Variants in PCDH9 observed in about 807,000 individuals in gnomAD.
The protein encoded by PCDH9 is protocadherin 9, also known as protocadherin-9.
A neutral mutation model predicts 70.6 loss-of-function variants in PCDH9; 24 were observed. That is an observed-to-expected ratio of 0.34 (90% confidence interval 0.25 to 0.48). The LOEUF (loss-of-function observed/expected upper bound fraction) is 0.48, where lower values mean the gene tolerates loss of function less well. Among genes scored for constraint, PCDH9 ranks in the 20% least tolerant of loss-of-function variants. The pLI is 0.99. For missense variants in PCDH9, 1,281 were observed against 1,503.6 expected (o/e 0.85, Z 2.45); for synonymous variants, 562 against 558.5 (o/e 1.01, Z -0.09).
chr13:66,338,181 T>C (rs1451527174), intron 4 of PCDH9, among the ~76,000 whole-genome samples: 1 of 152,112 alleles, frequency 6.6e-6, no homozygotes, highest in Non-Finnish European at 1.5e-5. Context: ...TAGCACACAG[T>C]AGTACACAGA....
chr13:66,828,562 C>T (rs2080864771), intron 3 of PCDH9, among the ~76,000 whole-genome samples: 1 of 152,046 alleles, frequency 6.6e-6, no homozygotes, highest in Non-Finnish European at 1.5e-5. Flanking sequence ...CCTGGAAAAG[C>T]ACTGTTTTTT....
At chr13:66,334,452 G>GT (rs1311127846) in intron 4 of PCDH9, among the ~76,000 whole-genome samples, 1 of 152,056 alleles carries the variant, frequency 6.6e-6, no homozygotes, top group Non-Finnish European at 1.5e-5. Context: ...TCAGGTTGAA[G>GT]TTTTTTAAGA....
At chr13:66,551,902 A>T (rs1363476584) in intron 4 of PCDH9, among the ~76,000 whole-genome samples, 1 of 152,196 alleles carries the variant, frequency 6.6e-6, no homozygotes, top group Non-Finnish European at 1.5e-5. Flanking sequence ...TGTATTTCAT[A>T]TGAAGATTTT....
chr13:66,304,396 A>G lies in PCDH9; in HGVS notation c.*259T>C, dbSNP rs1489315633. 2.6e-6 allele frequency: 1 copy of G among 387,940 alleles called. No individual in the cohort carries two copies. The highest frequency in any genetic ancestry group is 4.6e-6 in the Non-Finnish European group (1 of 215,404). 24.0% of individuals were successfully genotyped at this position (387,940 alleles called of 1,614,324 possible). The stretch of plus-strand genomic sequence containing the variant: ...TAGCAGCAGTCCAGGGTCAAAATAA[A>G]ATGCAATAATAAAAAAAATTTGCAC... On this transcript the variant is annotated 3_prime_UTR_variant, in exon 5 of 5. Coordinates refer to ENST00000377865, the MANE Select transcript of PCDH9 (RefSeq NM_203487.3).
intron 3 of PCDH9, among the ~76,000 whole-genome samples, chr13:66,756,830 T>G (rs2139238816): frequency 6.6e-6 from 1 of 152,234 alleles, no homozygotes; most frequent in East Asian, 1.9e-4. Flanking sequence ...GTGATTGATT[T>G]ATTTTATTAT....
At chr13:66,951,095 C>G (rs1594302745) in intron 2 of PCDH9, among the ~76,000 whole-genome samples, 1 of 152,216 alleles carries the variant, frequency 6.6e-6, no homozygotes, top group African/African-American at 2.4e-5. Flanking sequence ...ACCTCACTTA[C>G]TCTGCAAAGC....
chr13:66,472,404 T>C (rs1958638639), intron 4 of PCDH9, among the ~76,000 whole-genome samples: 1 of 151,666 alleles, frequency 6.6e-6, no homozygotes, highest in African/African-American at 2.4e-5. Context: ...ACCTCATCTC[T>C]ACAAAAAATT....
intron 3 of PCDH9, among the ~76,000 whole-genome samples, chr13:66,677,163 A>G (rs893774820): frequency 1.3e-5 from 2 of 152,104 alleles, no homozygotes; most frequent in African/African-American, 4.8e-5. Context: ...AACCATAAAC[A>G]CAAATGCCCA....
intron 2 of PCDH9, among the ~76,000 whole-genome samples, chr13:67,024,468 T>G (rs1290131366): frequency 6.6e-6 from 1 of 152,142 alleles, no homozygotes; most frequent in Non-Finnish European, 1.5e-5. Context: ...TTAAAAATAA[T>G]GTATATAAAC....
At position 66,303,154 on chromosome 13, in the gene PCDH9, G is replaced by A. The variant is rs536880945; in HGVS notation, c.*1501C>T. On this transcript the variant is annotated 3_prime_UTR_variant, in exon 5 of 5. Transcript: ENST00000377865. ...TTTACTTTTAAATTGATGGTGAACCGTGGCATTAAGATAACTTCCACTTCT... is the reference window on the plus strand; with the variant it reads ...TTTACTTTTAAATTGATGGTGAACCATGGCATTAAGATAACTTCCACTTCT... The A allele has an allele frequency of 6.6e-5, 10 of 150,380 alleles. No individual in the cohort carries two copies. The highest frequency in any genetic ancestry group is 2.2e-4 in the African/African-American group (9 of 40,738). 9.3% of individuals were successfully genotyped at this position (150,380 alleles called of 1,614,324 possible).
intron 2 of PCDH9, among the ~76,000 whole-genome samples, chr13:67,154,575 CAAAAA>C (rs753995213): frequency 0.014 from 513 of 37,112 alleles, 5 homozygotes; most frequent in Admixed American, 0.019. Context: ...GACCCTGTCT[CAAAAA>C]AAAAAAAAAA....
intron 2 of PCDH9, among the ~76,000 whole-genome samples, chr13:67,107,239 T>TA (rs2086565208): frequency 8.7e-6 from 1 of 115,604 alleles, no homozygotes; most frequent in Non-Finnish European, 1.8e-5. Flanking sequence ...CTAAAGCCCA[T>TA]AAAAAAGCCC....
chr13:66,781,653 A>AG (rs2080000325), intron 3 of PCDH9, among the ~76,000 whole-genome samples: 1 of 152,182 alleles, frequency 6.6e-6, no homozygotes, highest in African/African-American at 2.4e-5. Flanking sequence ...TTGGCATGTA[A>AG]GGACCTTGTG....
At chr13:66,680,190 CTT>C (rs2078299234) in intron 3 of PCDH9, among the ~76,000 whole-genome samples, 1 of 151,946 alleles carries the variant, frequency 6.6e-6, no homozygotes, top group South Asian at 2.1e-4. Flanking sequence ...CTATCTTGGA[CTT>C]CTGTGAAATT....
At chr13:67,147,672 G>A (rs2087555691) in intron 2 of PCDH9, among the ~76,000 whole-genome samples, 1 of 152,098 alleles carries the variant, frequency 6.6e-6, no homozygotes, top group Admixed American at 6.6e-5. Context: ...AGGGAATTTG[G>A]GGACTGTCTT....
intron 2 of PCDH9, among the ~76,000 whole-genome samples, chr13:67,103,355 A>G (rs2138245599): frequency 6.6e-6 from 1 of 152,318 alleles, no homozygotes; most frequent in Admixed American, 6.5e-5. Flanking sequence ...GTGTTGATAT[A>G]AACTGAAAGG....
At chr13:66,551,927 A>C (rs557779350) in intron 4 of PCDH9, among the ~76,000 whole-genome samples, 1 of 152,252 alleles carries the variant, frequency 6.6e-6, no homozygotes, top group South Asian at 2.1e-4. Context: ...TGAGTGAGAG[A>C]CGTATGTGAT....
intron 2 of PCDH9, among the ~76,000 whole-genome samples, chr13:67,171,025 A>G (rs1247325736): frequency 6.6e-6 from 1 of 152,196 alleles, no homozygotes; most frequent in Non-Finnish European, 1.5e-5. Flanking sequence ...TGGAGCTGTC[A>G]AAGGGTGATG....
intron 3 of PCDH9, among the ~76,000 whole-genome samples, chr13:66,857,047 C>T (rs2139469589): frequency 6.6e-6 from 1 of 152,190 alleles, no homozygotes; most frequent in East Asian, 1.9e-4. Flanking sequence ...AACCTCTTCA[C>T]TTTAAAATAA....
Sources: gnomAD v4.1 joint callset for allele counts (sites outside exome capture counted in the v4.1 genomes callset) on GRCh38, gnomAD v4.1.1 for gene constraint, MANE v1.5 for transcripts, NCBI Gene and HGNC (gene_info 2026-07-23, HGNC 2026-07-21) for gene names.